Variants in UBE2J2 observed in about 807,000 individuals in gnomAD.
UBE2J2 encodes ubiquitin conjugating enzyme E2 J2, also known as ubiquitin-conjugating enzyme E2 J2.
In UBE2J2, 5 loss-of-function variants were observed where a neutral mutation model predicts 28.6. That is an observed-to-expected ratio of 0.17 (90% confidence interval 0.09 to 0.37). The LOEUF is 0.37. UBE2J2 is among the 10% of genes least tolerant of loss of function. The probability of loss-of-function intolerance (pLI) is 1.00; values close to 1 mark genes in which losing one functional copy is unlikely to be tolerated. For missense variants in UBE2J2, 226 were observed against 338.9 expected, an observed-to-expected ratio of 0.67 and a Z score of 2.62; for synonymous variants, 138 against 139.7, an observed-to-expected ratio of 0.99 and a Z score of 0.09.
intron 3 of UBE2J2, among the ~76,000 whole-genome samples, chr1:1,262,668 G>A (rs968786936): frequency 1.3e-5 from 2 of 152,192 alleles, no homozygotes; most frequent in East Asian, 1.9e-4. Context: ...GCTTGCCGGC[G>A]GGACAGTATT....
At chr1:1,259,543 G>T (rs993245193) in intron 3 of UBE2J2, among the ~76,000 whole-genome samples, 3 of 152,182 alleles carry the variant, frequency 2.0e-5, no homozygotes, top group Admixed American at 6.5e-5. Context: ...TTTACATCTT[G>T]CAGGAACGCT....
intron 3 of UBE2J2, chr1:1,263,119 T>C: frequency 1.9e-6 from 1 of 523,062 alleles, no homozygotes; most frequent in Non-Finnish European, 3.5e-6. Flanking sequence ...CAGAGGCTGG[T>C]GAACACAGAC....
At position 1,263,334 on chromosome 1, in the gene UBE2J2, C is replaced by T. The variant is rs770011724; in HGVS notation, c.172+12G>A. On this transcript the variant is annotated intron_variant, in intron 3 of 6. Transcript: ENST00000349431. ...CCGCCTGGTGTTCTTCTCCTAAGCA[C>T]AGAATCCTTACCTTCATAAGGGGTC... 6.2e-6 allele frequency: 10 copies of T among 1,612,292 alleles called. No homozygotes were observed. Among genetic ancestry groups the T allele is most frequent in the African/African-American group, 1.3e-5 (1 of 74,830 alleles).
At chr1:1,267,460 C>G (rs1350881461) in intron 2 of UBE2J2, among the ~76,000 whole-genome samples, 1 of 152,202 alleles carries the variant, frequency 6.6e-6, no homozygotes, top group Non-Finnish European at 1.5e-5. Flanking sequence ...AGAGCAGAGT[C>G]TAGAAAGGCA....
At chr1:1,256,199 CA>C in intron 5 of UBE2J2, 74 bp from the exon 6 acceptor site, 1 of 1,150,196 alleles carries the variant, frequency 8.7e-7, no homozygotes, top group Non-Finnish European at 1.3e-6. Context: ...CAGATGATTT[CA>C]AAGTCAAGGG....
intron 3 of UBE2J2, among the ~76,000 whole-genome samples, chr1:1,259,163 TGA>T (rs1422776581): frequency 1.3e-5 from 2 of 150,620 alleles, no homozygotes; most frequent in African/African-American, 2.5e-5. Flanking sequence ...TGTGCGTGTC[TGA>T]GTGTGTGCAT....
In UBE2J2 at chr1:1,263,396, A is replaced by G; in HGVS notation, c.132-10T>C. ...TCGGACGACATAGTGCCTAAGGGAGAGAAGAAAATTACTTGGGATTTGAGG... is the reference window on the plus strand; with the variant it reads ...TCGGACGACATAGTGCCTAAGGGAGGGAAGAAAATTACTTGGGATTTGAGG... On this transcript the variant is annotated splice_polypyrimidine_tract_variant and intron_variant, in intron 2 of 6. Transcript: ENST00000349431. 6.2e-7 allele frequency: 1 copy of G among 1,612,170 alleles called. No individual in the cohort carries two copies. Among genetic ancestry groups the G allele is most frequent in the Middle Eastern group, 1.7e-4 (1 of 6,060 alleles).
chr1:1,272,046 C>A (rs919187942), intron 1 of UBE2J2, among the ~76,000 whole-genome samples: 1 of 147,558 alleles, frequency 6.8e-6, no homozygotes, highest in African/African-American at 2.5e-5. Flanking sequence ...CCCAGCTACT[C>A]TGGAGGCTGA....
At chr1:1,265,062 T>C (rs918857866) in intron 2 of UBE2J2, among the ~76,000 whole-genome samples, 57 of 152,272 alleles carry the variant, frequency 3.7e-4, no homozygotes, top group African/African-American at 1.4e-3. Context: ...CACCCAGGAA[T>C]GTGGCCTTAC....
chr1:1,256,292 A>C (rs1177918844), intron 5 of UBE2J2, 167 bp from the exon 6 acceptor site: 7 of 565,270 alleles, frequency 1.2e-5, no homozygotes, highest in African/African-American at 1.9e-5. Context: ...AAGCCTTCTT[A>C]ATCTTCCCCC....
intron 2 of UBE2J2, among the ~76,000 whole-genome samples, chr1:1,267,248 A>G (rs1639922507): frequency 6.6e-6 from 1 of 152,148 alleles, no homozygotes; most frequent in Non-Finnish European, 1.5e-5. Flanking sequence ...GTTTCGACAG[A>G]GCAGTATGCA....
At chr1:1,257,345 C>T in intron 3 of UBE2J2, 35 bp from the exon 4 acceptor site, 1 of 1,424,748 alleles carries the variant, frequency 7.0e-7, no homozygotes. Flanking sequence ...GCCTTGTCGT[C>T]CGCCACAGCA....
rs200935717 is a variant in UBE2J2, at chr1:1,266,103, A to G, written c.131+1759T>C. 3.9e-4 allele frequency: 510 copies of G among 1,304,128 alleles called. 5 individuals are homozygous for G. In the South Asian group the frequency reaches 4.2e-3, roughly 11 times the overall value. The allele number at this position is 1,304,128 out of a possible 1,614,324, so 80.8% of individuals were successfully genotyped here. Reference sequence around the variant, plus strand: ...GTGGAACTTGTCCCTCTCACCTGCCAGCGATGTCCTGGGGCCACATGTGAT... The same window carrying G: ...GTGGAACTTGTCCCTCTCACCTGCCGGCGATGTCCTGGGGCCACATGTGAT... On this transcript the variant is annotated intron_variant, in intron 2 of 6. Coordinates refer to ENST00000349431, the MANE Select transcript of UBE2J2 (RefSeq NM_058167.3).
intron 1 of UBE2J2, chr1:1,272,883 T>C (rs1436644347): frequency 6.5e-6 from 1 of 153,168 alleles, no homozygotes; most frequent in Non-Finnish European, 1.5e-5. Context: ...GATTACACAG[T>C]CTGGTTCCCC....
intron 2 of UBE2J2, chr1:1,266,061 G>T (rs1287448718): frequency 1.5e-6 from 2 of 1,303,700 alleles, no homozygotes; most frequent in Non-Finnish European, 2.0e-6. Flanking sequence ...CTCGCAACCA[G>T]CGAGGAGGCG....
At position 1,268,765 on chromosome 1, in the gene UBE2J2, C is replaced by T. The variant is rs1640004749; in HGVS notation, c.1-773G>A. ...CAGGCTGGAGTCACTGTGGCCTTGA[C>T]CACCTCGGCTCAAGCAATCCTCCCA... On this transcript the variant is annotated intron_variant, in intron 1 of 6. Transcript: ENST00000349431. This position sits in a 1 kb window ranked among gnomAD's most constrained non-coding sequence, Gnocchi z 4.7. Among the ~76,000 whole-genome samples the T allele has an allele frequency of 6.6e-6, 1 of 152,206 alleles. No individual in the cohort carries two copies. The highest frequency in any genetic ancestry group is 2.4e-5 in the African/African-American group (1 of 41,442).
chr1:1,258,183 GC>G (rs1427624005), intron 3 of UBE2J2, among the ~76,000 whole-genome samples: 4 of 150,296 alleles, frequency 2.7e-5, no homozygotes, highest in African/African-American at 9.9e-5. Flanking sequence ...GGGACTATAG[GC>G]GCGCGCCACC....
At chr1:1,262,652 C>T (rs1276384135) in intron 3 of UBE2J2, among the ~76,000 whole-genome samples, 1 of 152,230 alleles carries the variant, frequency 6.6e-6, no homozygotes, top group Non-Finnish European at 1.5e-5. Flanking sequence ...CCCTGCTCTG[C>T]CTTGTGCTTG....
At chr1:1,270,919 G>A (rs920873667) in intron 1 of UBE2J2, among the ~76,000 whole-genome samples, 1 of 151,196 alleles carries the variant, frequency 6.6e-6, no homozygotes, top group Non-Finnish European at 1.5e-5. Context: ...CCACTCCAAA[G>A]TCCTGACCGA....
Sources: gnomAD v4.1 joint callset for allele counts (sites outside exome capture counted in the v4.1 genomes callset) on GRCh38, gnomAD v4.1.1 for gene constraint, Gnocchi (gnomAD v3.1) non-coding constraint, MANE v1.5 for transcripts, NCBI Gene and HGNC (gene_info 2026-07-23, HGNC 2026-07-21) for gene names.